GNAL: variants seen among roughly 807,000 people sequenced by gnomAD.
GNAL encodes guanine nucleotide-binding protein G(olf) subunit alpha.
Under a neutral mutation model 55.1 loss-of-function variants are expected in GNAL, and 18 were observed. The ratio of observed to expected loss-of-function variants is 0.33; its 90% CI spans 0.23 to 0.48. The LOEUF (loss-of-function observed/expected upper bound fraction) is 0.48, where lower values mean the gene tolerates loss of function less well. Among genes scored for constraint, GNAL ranks in the 20% least tolerant of loss-of-function variants. The pLI, the probability that GNAL is intolerant of heterozygous loss-of-function variation, is 0.99. For missense variants in GNAL, 412 were observed against 614.1 expected (o/e 0.67, Z 3.48); for synonymous variants, 253 against 237.0 (o/e 1.07, Z -0.62).
intron 5 of GNAL, among the ~76,000 whole-genome samples, chr18:11,856,531 C>A (rs1174441808): frequency 1.3e-5 from 2 of 151,430 alleles, no homozygotes; most frequent in Non-Finnish European, 1.5e-5. Flanking sequence ...TCCTTCACAG[C>A]ATTTGTCCAC....
intron 5 of GNAL, among the ~76,000 whole-genome samples, chr18:11,844,252 A>G (rs1232127708): frequency 1.3e-5 from 2 of 152,052 alleles, no homozygotes; most frequent in Admixed American, 1.3e-4. Context: ...TGGCCAACAC[A>G]GTGAAACCCT....
chr18:11,866,417 G>T lies in GNAL; in HGVS notation c.852-751G>T, dbSNP rs759763156. ...AAATCTCAGAGGCAGGGAAGCCTGC[G>T]AAGGTTGGAAACATCCAGCAGAATC... On this transcript the variant is annotated intron_variant, in intron 7 of 11. Transcript: ENST00000334049. Among the ~76,000 whole-genome samples, 4 of 150,384 alleles carry T rather than the reference G, an allele frequency of 2.7e-5. 1 individual carries two copies. The highest frequency in any genetic ancestry group is 7.6e-5 in the African/African-American group (3 of 39,682).
At chr18:11,862,526 A>T in intron 6 of GNAL, 77 bp downstream of exon 6, 1 of 1,224,370 alleles carries the variant, frequency 8.2e-7, no homozygotes, top group African/African-American at 1.5e-5. Context: ...TGATTATTTC[A>T]GAATGAATTA....
At chr18:11,769,693 G>A (rs111798055) in intron 4 of GNAL, among the ~76,000 whole-genome samples, 26 of 152,174 alleles carry the variant, frequency 1.7e-4, no homozygotes, top group African/African-American at 6.3e-4. Flanking sequence ...TTTATTTCAT[G>A]AAGCACGTAA....
chr18:11,855,275 T>C (rs1158440968), intron 5 of GNAL, among the ~76,000 whole-genome samples: 1 of 151,418 alleles, frequency 6.6e-6, no homozygotes, highest in Non-Finnish European at 1.5e-5. Flanking sequence ...TCTTCATAAC[T>C]ACAAGATTTT....
At chr18:11,732,555 ACT>A (rs2032362993) in intron 1 of GNAL, among the ~76,000 whole-genome samples, 2 of 152,302 alleles carry the variant, frequency 1.3e-5, no homozygotes, top group South Asian at 2.1e-4. Flanking sequence ...AGCACACGTA[ACT>A]CTACATTTAG....
chr18:11,758,344 T>C (rs983374584), intron 4 of GNAL, among the ~76,000 whole-genome samples: 3 of 152,188 alleles, frequency 2.0e-5, no homozygotes, highest in Non-Finnish European at 4.4e-5. Context: ...TTTGCAATTA[T>C]CCATAAACTG....
chr18:11,875,093 A>G (rs930056493), intron 10 of GNAL, among the ~76,000 whole-genome samples: 5 of 152,194 alleles, frequency 3.3e-5, no homozygotes, highest in Non-Finnish European at 7.3e-5. Context: ...AGGGTCGGCC[A>G]TAGTGATCTG....
chr18:11,851,309 C>T, intron 5 of GNAL: 1 of 594,976 alleles, frequency 1.7e-6, no homozygotes, highest in East Asian at 3.0e-5. Context: ...GTCTTACGTC[C>T]CACAGGCCCC....
At chr18:11,795,776 C>T (rs978242358) in intron 4 of GNAL, among the ~76,000 whole-genome samples, 1 of 152,194 alleles carries the variant, frequency 6.6e-6, no homozygotes, top group African/African-American at 2.4e-5. Flanking sequence ...CTCCAGAGGT[C>T]CCTTGGCTGA....
intron 1 of GNAL, among the ~76,000 whole-genome samples, chr18:11,698,064 G>A (rs567795308): frequency 1.4e-3 from 215 of 152,276 alleles, no homozygotes; most frequent in Non-Finnish European, 2.4e-3. Context: ...ATAGGAGGCC[G>A]TGGGACTCCA....
rs555125421 is a variant in GNAL, at chr18:11,882,980, T to C, written c.*1845T>C. On this transcript the variant is annotated 3_prime_UTR_variant, in exon 12 of 12. Coordinates refer to ENST00000334049, the MANE Select transcript of GNAL (RefSeq NM_182978.4). ...TTTGTAGGTCTAAAATAATAATCTA[T>C]AAAGATGTCCAAAGTTAAATTTTCA... is the stretch of plus-strand genomic sequence containing the variant. 37 of 151,984 alleles carry C rather than the reference T, an allele frequency of 2.4e-4. No individual in the cohort carries two copies. The highest frequency in any genetic ancestry group is 5.2e-4 in the Non-Finnish European group (35 of 67,938). The allele number at this position is 151,984 out of a possible 1,614,324, so 9.4% of individuals were successfully genotyped here. A position where few individuals can be genotyped will look rare whatever the true frequency, so the allele number is the denominator to read the frequency against.
At position 11,704,437 on chromosome 18, in the gene GNAL, G is replaced by A. The variant is rs9962830; in HGVS notation, c.376+14498G>A. Among the ~76,000 whole-genome samples, 947 of 152,286 alleles carry A rather than the reference G, an allele frequency of 6.2e-3. 4 individuals are homozygous for A. The highest frequency in any genetic ancestry group is 0.021 in the African/African-American group (877 of 41,554). On this transcript the variant is annotated intron_variant, in intron 1 of 11. Transcript: ENST00000334049. ...CACAACTAATGGCCCAGGGTCTTCC[G>A]GCTGAAAGTGGGAATAGTGAGGAAT...
intron 1 of GNAL, among the ~76,000 whole-genome samples, chr18:11,730,478 G>T (rs1179268442): frequency 2.0e-5 from 3 of 151,392 alleles, no homozygotes; most frequent in Non-Finnish European, 4.4e-5. Context: ...TTTTTCTAAA[G>T]ACTTGCTGGG....
chr18:11,790,791 G>A (rs2034213448), intron 4 of GNAL, among the ~76,000 whole-genome samples: 1 of 151,266 alleles, frequency 6.6e-6, no homozygotes, highest in South Asian at 2.1e-4. Context: ...TGAGTAGCTG[G>A]AACTACAGGT....
chr18:11,859,901 C>T (rs899767931), intron 5 of GNAL, among the ~76,000 whole-genome samples: 1 of 152,064 alleles, frequency 6.6e-6, no homozygotes, highest in Non-Finnish European at 1.5e-5. Context: ...ATGCGTGCCA[C>T]CACACCTGGC....
chr18:11,835,239 G>C (rs2035473994), intron 5 of GNAL, among the ~76,000 whole-genome samples: 1 of 152,162 alleles, frequency 6.6e-6, no homozygotes, highest in Non-Finnish European at 1.5e-5. Context: ...TTCAGAGGGA[G>C]TGTACTGCTG....
chr18:11,715,460 C>CAAAA (rs34339537), intron 1 of GNAL, among the ~76,000 whole-genome samples: 1 of 67,734 alleles, frequency 1.5e-5, no homozygotes, highest in African/African-American at 4.1e-5. Context: ...GACTCCATCT[C>CAAAA]AAAAAAAAAA....
At chr18:11,719,538 A>T (rs181167055) in intron 1 of GNAL, among the ~76,000 whole-genome samples, 1 of 152,346 alleles carries the variant, frequency 6.6e-6, no homozygotes, top group Non-Finnish European at 1.5e-5. Context: ...AGCCTGCCTT[A>T]AATACAAGTG....
Sources: allele counts gnomAD v4.1 joint callset (sites outside exome capture counted in the v4.1 genomes callset), GRCh38; gene constraint gnomAD v4.1.1; transcripts MANE v1.5; gene names NCBI Gene and HGNC (gene_info 2026-07-23, HGNC 2026-07-21).